OLFML2A: variants seen among roughly 807,000 people sequenced by gnomAD.
The protein encoded by OLFML2A is olfactomedin like 2A.
Under a neutral mutation model 60.9 loss-of-function variants are expected in OLFML2A, and 47 were observed. That is an observed-to-expected ratio of 0.77 (90% confidence interval 0.61 to 0.98). The LOEUF is 0.98. Ranked by LOEUF, OLFML2A falls within the 50% of genes least tolerant of loss-of-function variation. The pLI, the probability that OLFML2A is intolerant of heterozygous loss-of-function variation, is 0.00. For synonymous variants in OLFML2A, 372 were observed against 375.0 expected (o/e 0.99, Z 0.09); for missense variants, 922 against 879.8 (o/e 1.05, Z -0.61).
At chr9:124,782,483 T>C (rs116958079) in intron 1 of OLFML2A, among the ~76,000 whole-genome samples, 1 of 152,306 alleles carries the variant, frequency 6.6e-6, no homozygotes, top group East Asian at 1.9e-4. Flanking sequence ...ACCATGAGCT[T>C]ATGACAAAGG....
In OLFML2A at chr9:124,810,529, G is replaced by A. The variant is rs1841993041; in HGVS notation, c.*117G>A. On this transcript the variant is annotated 3_prime_UTR_variant, in exon 8 of 8. Transcript: ENST00000373580. Reference sequence around the variant, plus strand: ...TGGGGGCCAGCCCAGGGCTGGGACTGGGCATGAGGTGGTCACCAGGATTGA... The same window carrying A: ...TGGGGGCCAGCCCAGGGCTGGGACTAGGCATGAGGTGGTCACCAGGATTGA... The A allele has an allele frequency of 9.3e-7, 1 of 1,077,462 alleles. No individual in the cohort carries two copies. The highest frequency in any genetic ancestry group is 1.3e-6 in the Non-Finnish European group (1 of 770,778). 66.7% of individuals were successfully genotyped at this position (1,077,462 alleles called of 1,614,324 possible). A position where few individuals can be genotyped will look rare whatever the true frequency, so the allele number is the denominator to read the frequency against.
At chr9:124,784,430 T>G (rs956687686) in intron 1 of OLFML2A, among the ~76,000 whole-genome samples, 1 of 151,976 alleles carries the variant, frequency 6.6e-6, no homozygotes, top group African/African-American at 2.4e-5. Flanking sequence ...CCTCGAACTC[T>G]TGACCTCATG....
intron 4 of OLFML2A, chr9:124,801,149 T>C: frequency 8.0e-7 from 1 of 1,243,132 alleles, no homozygotes; most frequent in Non-Finnish European, 1.1e-6. Flanking sequence ...TGGACAGGAG[T>C]TGAGAAGTGG....
At chr9:124,785,546 C>T (rs1438906621) in intron 1 of OLFML2A, among the ~76,000 whole-genome samples, 1 of 151,746 alleles carries the variant, frequency 6.6e-6, no homozygotes, top group Non-Finnish European at 1.5e-5. Flanking sequence ...CACAGGCGCC[C>T]GCCATCACGC....
rs772240026 is a variant in OLFML2A at position 124,801,489 on chromosome 9, C to A, written c.745C>A (p.Pro249Thr). 6.2e-7 allele frequency: 1 copy of A among 1,614,070 alleles called. No homozygotes were observed. The highest frequency in any genetic ancestry group is 1.1e-5 in the South Asian group (1 of 91,068). Residue 249 changes from proline to threonine, a missense_variant, in exon 5 of 8, where the codon CCA becomes ACA. Pro to Thr is a conservative substitution (Grantham distance 38). Coordinates refer to ENST00000373580, the MANE Select transcript of OLFML2A (RefSeq NM_182487.4). ...VQKSFADRGL[P>T]KPPKEKLLQV... is the part of the protein sequence containing the mutation. ...GAAAAGCTTTGCAGACAGAGGCCTC[C>A]CAAAACCTCCCAAGGAGAAGCTGCT...
At chr9:124,807,157 C>T (rs1841910901) in intron 6 of OLFML2A, among the ~76,000 whole-genome samples, 1 of 150,606 alleles carries the variant, frequency 6.6e-6, no homozygotes, top group African/African-American at 2.4e-5. Flanking sequence ...GTCTTGAGTT[C>T]AAGTGATCCT....
chr9:124,808,827 G>C (rs1398932659), intron 7 of OLFML2A, among the ~76,000 whole-genome samples: 12 of 151,960 alleles, frequency 7.9e-5, no homozygotes, highest in Non-Finnish European at 1.6e-4. Flanking sequence ...AAAGGAGTTT[G>C]GACTTAACCC....
In OLFML2A at chr9:124,814,547, C is replaced by T. The variant is rs1199440507; in HGVS notation, c.*4135C>T. 6.6e-6 allele frequency: 1 copy of T among 152,178 alleles called. No homozygotes were observed. Among genetic ancestry groups the T allele is most frequent in the Non-Finnish European group, 1.5e-5 (1 of 68,050 alleles). The allele number at this position is 152,178 out of a possible 1,614,324, so 9.4% of individuals were successfully genotyped here. ...AGAGCTTAAGCAACCTGCTCAGGGT[C>T]ACGTCTCCAACAGGCAGTAGAGTCA... On this transcript the variant is annotated 3_prime_UTR_variant, in exon 8 of 8. Coordinates refer to ENST00000373580, the MANE Select transcript of OLFML2A (RefSeq NM_182487.4).
chr9:124,796,718 T>G (rs1841677184), intron 3 of OLFML2A, among the ~76,000 whole-genome samples: 1 of 152,336 alleles, frequency 6.6e-6, no homozygotes, highest in Admixed American at 6.5e-5. Flanking sequence ...AGCTTCCCTC[T>G]GCTCTCTTCC....
intron 3 of OLFML2A, among the ~76,000 whole-genome samples, 181 bp downstream of exon 3, chr9:124,795,312 C>T (rs10986428): frequency 6.6e-6 from 1 of 152,368 alleles, no homozygotes; most frequent in Non-Finnish European, 1.5e-5. Context: ...AGAGGTCTAA[C>T]TGGCTCAAGG....
intron 2 of OLFML2A, among the ~76,000 whole-genome samples, chr9:124,792,895 T>C (rs771278110): frequency 6.8e-6 from 1 of 147,804 alleles, no homozygotes; most frequent in South Asian, 2.2e-4. Flanking sequence ...TCAAATTGTG[T>C]TCCAGAGCCC....
intron 1 of OLFML2A, chr9:124,778,826 AC>A (rs1662748290): frequency 4.1e-6 from 1 of 246,626 alleles, no homozygotes; most frequent in Admixed American, 6.5e-5. Flanking sequence ...AAAAAAAAAA[AC>A]GGACAGACCT....
intron 5 of OLFML2A, among the ~76,000 whole-genome samples, chr9:124,803,251 C>T (rs1841817088): frequency 6.6e-6 from 1 of 151,714 alleles, no homozygotes; most frequent in South Asian, 2.1e-4. Flanking sequence ...ACCCTTCCTT[C>T]CTTCCTTCCT....
rs768799340 is a variant in OLFML2A at position 124,787,062 on chromosome 9, G to A, written c.178G>A (p.Ala60Thr). 13 of 1,614,084 alleles carry A rather than the reference G, an allele frequency of 8.1e-6. No individual in the cohort carries two copies. The highest frequency in any genetic ancestry group is 5.5e-5 in the South Asian group (5 of 91,090). The stretch of plus-strand genomic sequence containing the variant: ...CATCATGCGGCCCCTGAGCAAGGAC[G>A]CGTGTAGCCGAGTGCGCAGTGGGCG... ...KCIMRPLSKD[A>T]CSRVRSGRAR... The change falls in exon 2 of 8, where the codon GCG (alanine) becomes ACG (threonine). Residue 60 changes from alanine (A) to threonine (T), a missense_variant. By Grantham distance (58) the Ala-to-Thr change is moderately conservative. Transcript: ENST00000373580.
rs961984217 is a variant in OLFML2A, at chr9:124,801,478, A to G, written c.734A>G (p.Asp245Gly). 4.3e-6 allele frequency: 7 copies of G among 1,614,154 alleles called. No individual in the cohort carries two copies. The highest frequency in any genetic ancestry group is 1.3e-5 in the African/African-American group (1 of 75,026). ...KYGSVQKSFA[D>G]RGLPKPPKEK... ...GGCAGTGTGCAGAAAAGCTTTGCAG[A>G]CAGAGGCCTCCCAAAACCTCCCAAG... The change falls in exon 5 of 8, where the codon GAC becomes GGC. Residue 245 changes from aspartate (D) to glycine (G), a missense_variant. Physicochemically the swap from Asp to Gly is moderately conservative, Grantham distance 94 (BLOSUM62 -1). Coordinates refer to ENST00000373580, the MANE Select transcript of OLFML2A (RefSeq NM_182487.4).
intron 6 of OLFML2A, among the ~76,000 whole-genome samples, chr9:124,804,964 A>G (rs1390758795): frequency 6.6e-6 from 1 of 152,078 alleles, no homozygotes; most frequent in Non-Finnish European, 1.5e-5. Flanking sequence ...CAGCCTCCCA[A>G]AGTGCTGGGA....
At chr9:124,806,599 T>C (rs1316953805) in intron 6 of OLFML2A, among the ~76,000 whole-genome samples, 4 of 151,970 alleles carry the variant, frequency 2.6e-5, no homozygotes, top group African/African-American at 9.7e-5. Flanking sequence ...AAATTTTTAA[T>C]GTTTATTTTT....
At chr9:124,798,363 A>G (rs1244407105) in intron 3 of OLFML2A, among the ~76,000 whole-genome samples, 1 of 151,898 alleles carries the variant, frequency 6.6e-6, no homozygotes, top group African/African-American at 2.4e-5. Context: ...TTAGCCAGGC[A>G]TGGAGGCACG....
At chr9:124,803,588 G>A (rs559838478) in intron 5 of OLFML2A, among the ~76,000 whole-genome samples, 3 of 152,304 alleles carry the variant, frequency 2.0e-5, no homozygotes, top group South Asian at 2.1e-4. Flanking sequence ...CGTTCATGCC[G>A]TCTCATTTGA....
Sources: allele counts gnomAD v4.1 joint callset (sites outside exome capture counted in the v4.1 genomes callset), GRCh38; gene constraint gnomAD v4.1.1; transcripts MANE v1.5; gene names NCBI Gene and HGNC (gene_info 2026-07-23, HGNC 2026-07-21).